STARD13: variants seen among roughly 807,000 people sequenced by gnomAD.
STARD13 encodes stAR-related lipid transfer protein 13.
STARD13 carries 62 observed loss-of-function variants against 106.4 expected under a neutral mutation model. That is an observed-to-expected ratio of 0.58 (90% confidence interval 0.48 to 0.72). The LOEUF (loss-of-function observed/expected upper bound fraction) is 0.72, where lower values mean the gene tolerates loss of function less well. Among genes scored for constraint, STARD13 ranks in the 30% least tolerant of loss-of-function variants. STARD13 has a pLI of 0.00. For missense variants in STARD13, 1,387 were observed against 1,424.0 expected (o/e 0.97, Z 0.42); for synonymous variants, 565 against 553.0 (o/e 1.02, Z -0.31).
chr13:33,470,062 C>T, the STARD13 span, among the ~76,000 whole-genome samples: 494 of 152,116 alleles, frequency 3.2e-3, 1 homozygote, highest in Non-Finnish European at 5.6e-3. Context: ...CTCAACTCCC[C>T]GACAGGCTCC....
the STARD13 span, among the ~76,000 whole-genome samples, chr13:33,394,540 G>C: frequency 6.6e-5 from 10 of 152,252 alleles, no homozygotes; most frequent in African/African-American, 2.4e-4. Flanking sequence ...CTAGGGCCTA[G>C]GGGACAGTCA....
the STARD13 span, among the ~76,000 whole-genome samples, chr13:33,457,442 T>C: frequency 6.6e-6 from 1 of 152,124 alleles, no homozygotes; most frequent in Admixed American, 6.5e-5. Context: ...TTGGGGGAAA[T>C]AGAATTGGAA....
At chr13:33,576,333 C>T in the STARD13 span, among the ~76,000 whole-genome samples, 1,926 of 152,236 alleles carry the variant, frequency 0.013, 34 homozygotes, top group African/African-American at 0.043. Flanking sequence ...AGCAGTTCTT[C>T]TGCCTCAGAC....
intron 1 of STARD13, among the ~76,000 whole-genome samples, chr13:33,235,644 C>G (rs543060500): frequency 2.6e-5 from 4 of 152,150 alleles, no homozygotes; most frequent in Non-Finnish European, 5.9e-5. Context: ...GTAGCCCTGT[C>G]GAAGGGCACT....
intron 1 of STARD13, among the ~76,000 whole-genome samples, chr13:33,255,759 C>T (rs780025898): frequency 2.6e-5 from 4 of 152,118 alleles, no homozygotes; most frequent in Non-Finnish European, 5.9e-5. Context: ...AGGGAGGGGA[C>T]GGCTCATGGC....
the STARD13 span, among the ~76,000 whole-genome samples, chr13:33,559,413 G>A: frequency 6.6e-6 from 1 of 151,528 alleles, no homozygotes; most frequent in Non-Finnish European, 1.5e-5. Context: ...TATATAGTTG[G>A]TGTTAAATAT....
the STARD13 span, among the ~76,000 whole-genome samples, chr13:33,524,055 C>T: frequency 6.6e-5 from 10 of 152,014 alleles, no homozygotes; most frequent in Admixed American, 6.6e-4. Context: ...TATATATGTT[C>T]TCATTACAAA....
chr13:33,247,447 C>A (rs182178296), intron 1 of STARD13, among the ~76,000 whole-genome samples: 49 of 150,990 alleles, frequency 3.2e-4, no homozygotes, highest in Non-Finnish European at 6.2e-4. Flanking sequence ...TCTGCAATGC[C>A]GTCGCCAGGA....
At chr13:33,325,909 C>T (rs1187650125) in intron 1 of STARD13, among the ~76,000 whole-genome samples, 5 of 143,288 alleles carry the variant, frequency 3.5e-5, no homozygotes, top group African/African-American at 5.2e-5. Context: ...GGCGTGAACC[C>T]GGGAGGCGGA....
intron 1 of STARD13, among the ~76,000 whole-genome samples, chr13:33,215,521 G>A (rs1887990416): frequency 6.6e-6 from 1 of 152,168 alleles, no homozygotes; most frequent in South Asian, 2.1e-4. Context: ...GTAGTTCAGA[G>A]TTTGGATCCA....
chr13:33,324,369 CT>C (rs1280205099), intron 1 of STARD13, among the ~76,000 whole-genome samples: 8 of 152,264 alleles, frequency 5.3e-5, no homozygotes, highest in Admixed American at 3.3e-4. Flanking sequence ...ACAAAAGCTC[CT>C]TATGCCAGGA....
At chr13:33,303,962 A>G (rs9537097) in intron 1 of STARD13, among the ~76,000 whole-genome samples, 99,327 of 152,164 alleles carry the variant, frequency 0.65, 34,305 homozygotes, top group Non-Finnish European at 0.77. Flanking sequence ...CTTCTTGGAA[A>G]TGCAGAATCT....
chr13:33,642,444 C>G, the STARD13 span, among the ~76,000 whole-genome samples: 2 of 152,198 alleles, frequency 1.3e-5, no homozygotes, highest in Non-Finnish European at 2.9e-5. Flanking sequence ...GTGGCAAGAA[C>G]ACAGGACGGC....
the STARD13 span, among the ~76,000 whole-genome samples, chr13:33,591,807 GA>G: frequency 4.0e-5 from 6 of 150,948 alleles, no homozygotes; most frequent in East Asian, 1.9e-4. Flanking sequence ...AATATGGAAG[GA>G]AAAAAAAGAA....
At chr13:33,117,665 T>A in intron 8 of STARD13, 1 of 956,058 alleles carries the variant, frequency 1.0e-6, no homozygotes, top group Non-Finnish European at 1.2e-6. Flanking sequence ...TTTTAATTCA[T>A]GTCACTTTGA....
At chr13:33,200,420 C>T (rs538001751) in intron 1 of STARD13, among the ~76,000 whole-genome samples, 8 of 152,274 alleles carry the variant, frequency 5.3e-5, no homozygotes, top group East Asian at 3.9e-4. Flanking sequence ...TCTTCCAAAG[C>T]GTCACCAACA....
chr13:33,392,451 G>A, the STARD13 span, among the ~76,000 whole-genome samples: 699 of 152,250 alleles, frequency 4.6e-3, 10 homozygotes, highest in African/African-American at 0.016. Flanking sequence ...CCAGGCTGGA[G>A]TGCAGTGGCG....
intron 1 of STARD13, among the ~76,000 whole-genome samples, chr13:33,320,645 T>C (rs552116997): frequency 3.3e-5 from 5 of 152,310 alleles, no homozygotes; most frequent in African/African-American, 1.2e-4. Flanking sequence ...CTCTAAATCA[T>C]ATTTCTACCC....
chr13:33,602,252 C>T, the STARD13 span, among the ~76,000 whole-genome samples: 1 of 152,068 alleles, frequency 6.6e-6, no homozygotes, highest in Admixed American at 6.6e-5. Flanking sequence ...CAACCACGCC[C>T]AGCTAATTTT....
Sources: allele counts gnomAD v4.1 joint callset (sites outside exome capture counted in the v4.1 genomes callset), GRCh38; gene constraint gnomAD v4.1.1; transcripts MANE v1.5; gene names NCBI Gene and HGNC (gene_info 2026-07-23, HGNC 2026-07-21).